Variants in GPC6 observed in about 807,000 individuals in gnomAD.
GPC6 encodes glypican 6.
Under a neutral mutation model 55.2 loss-of-function variants are expected in GPC6, and 14 were observed. The ratio of observed to expected loss-of-function variants is 0.25; its 90% CI spans 0.17 to 0.40. GPC6 has a LOEUF of 0.40. GPC6 is among the 10% of genes least tolerant of loss of function. The pLI is 1.00. For synonymous variants in GPC6, 278 were observed against 259.6 expected, an observed-to-expected ratio of 1.07 and a Z score of -0.68; for missense variants, 641 against 708.5, an observed-to-expected ratio of 0.90 and a Z score of 1.08.
At chr13:93,388,805 C>T (rs983445413) in intron 1 of GPC6, among the ~76,000 whole-genome samples, 1 of 152,110 alleles carries the variant, frequency 6.6e-6, no homozygotes, top group Non-Finnish European at 1.5e-5. Context: ...TGTAAGCTCC[C>T]TCAGGCCAAT....
chr13:94,344,293 A>G (rs1000359757), intron 6 of GPC6, among the ~76,000 whole-genome samples: 1 of 152,220 alleles, frequency 6.6e-6, no homozygotes, highest in African/African-American at 2.4e-5. Flanking sequence ...AGAAATGTAA[A>G]GAATGTTTTG....
intron 3 of GPC6, among the ~76,000 whole-genome samples, chr13:93,919,053 C>T (rs573547790): frequency 7.2e-5 from 11 of 152,210 alleles, no homozygotes; most frequent in Middle Eastern, 3.4e-3. Flanking sequence ...CCCTTGGTGA[C>T]GAGTGAGTTC....
chr13:93,685,286 G>C (rs1306490080), intron 2 of GPC6, among the ~76,000 whole-genome samples: 2 of 152,136 alleles, frequency 1.3e-5, no homozygotes, highest in East Asian at 3.9e-4. Context: ...GATGCCAAGA[G>C]CACCTGAAAG....
intron 4 of GPC6, among the ~76,000 whole-genome samples, chr13:94,285,227 G>A (rs1025117529): frequency 6.6e-6 from 1 of 152,166 alleles, no homozygotes; most frequent in Non-Finnish European, 1.5e-5. Context: ...AAATGGAGCC[G>A]TTTAGTTTTA....
intron 1 of GPC6, among the ~76,000 whole-genome samples, chr13:93,481,054 A>G (rs1453442967): frequency 6.6e-6 from 1 of 152,176 alleles, no homozygotes; most frequent in African/African-American, 2.4e-5. Flanking sequence ...TTTCAGTGCT[A>G]CTAGCAATGC....
chr13:94,159,432 A>G (rs1888077747), intron 4 of GPC6, among the ~76,000 whole-genome samples: 1 of 152,206 alleles, frequency 6.6e-6, no homozygotes, highest in Admixed American at 6.5e-5. Flanking sequence ...CAAATCTTAC[A>G]CAGCAGCAGG....
At chr13:94,241,463 T>C (rs994344963) in intron 4 of GPC6, among the ~76,000 whole-genome samples, 2 of 152,170 alleles carry the variant, frequency 1.3e-5, no homozygotes, top group Non-Finnish European at 2.9e-5. Context: ...TCATTATACA[T>C]ATTTTCACAT....
At chr13:94,363,593 C>T (rs899076441) in intron 6 of GPC6, among the ~76,000 whole-genome samples, 9 of 152,144 alleles carry the variant, frequency 5.9e-5, no homozygotes, top group Admixed American at 3.3e-4. Flanking sequence ...GACAACAACC[C>T]CTAGCCTAGG....
chr13:93,360,830 C>T (rs1287171394), intron 1 of GPC6, among the ~76,000 whole-genome samples: 2 of 151,928 alleles, frequency 1.3e-5, no homozygotes, highest in Non-Finnish European at 2.9e-5. Context: ...TATCCTTCTT[C>T]CCTTCTGAAA....
intron 2 of GPC6, among the ~76,000 whole-genome samples, chr13:93,703,997 C>G (rs762168474): frequency 2.0e-5 from 3 of 151,910 alleles, no homozygotes; most frequent in Non-Finnish European, 2.9e-5. Context: ...AATTGTCAAC[C>G]AAACCAAATG....
intron 1 of GPC6, among the ~76,000 whole-genome samples, chr13:93,443,259 TG>T (rs1242102851): frequency 6.6e-6 from 1 of 152,244 alleles, no homozygotes; most frequent in Non-Finnish European, 1.5e-5. Flanking sequence ...AAGTCATATT[TG>T]ATGTATGGAG....
intron 3 of GPC6, among the ~76,000 whole-genome samples, chr13:93,951,927 G>A (rs982734123): frequency 2.0e-5 from 3 of 152,060 alleles, no homozygotes; most frequent in Non-Finnish European, 4.4e-5. Context: ...GTGTTTTAAA[G>A]GTTTGTTTCT....
chr13:93,541,787 G>C (rs937308900), intron 1 of GPC6, among the ~76,000 whole-genome samples: 5 of 150,406 alleles, frequency 3.3e-5, no homozygotes, highest in African/African-American at 1.2e-4. Flanking sequence ...GTGATGGTGA[G>C]CATTTTTTCA....
At chr13:93,373,798 A>T (rs1454908557) in intron 1 of GPC6, among the ~76,000 whole-genome samples, 1 of 152,238 alleles carries the variant, frequency 6.6e-6, no homozygotes, top group Non-Finnish European at 1.5e-5. Flanking sequence ...TTATGTGTTG[A>T]TAATTACATG....
intron 2 of GPC6, among the ~76,000 whole-genome samples, chr13:93,696,641 T>C (rs1166837477): frequency 7.0e-6 from 1 of 142,592 alleles, no homozygotes; most frequent in Admixed American, 7.3e-5. Context: ...TTAGGCAGAG[T>C]CTCCCTCTTT....
intron 1 of GPC6, among the ~76,000 whole-genome samples, chr13:93,261,810 A>G (rs16948547): frequency 0.29 from 43,796 of 151,794 alleles, 7,207 homozygotes; most frequent in African/African-American, 0.46. Flanking sequence ...TCAACCTGGT[A>G]TATAGTGAAA....
intron 1 of GPC6, among the ~76,000 whole-genome samples, chr13:93,304,674 C>T (rs547980341): frequency 1.3e-5 from 2 of 152,290 alleles, no homozygotes; most frequent in East Asian, 1.9e-4. Flanking sequence ...GGAAGAGGGA[C>T]TACTTCACTA....
chr13:93,939,095 T>A (rs1233294968), intron 3 of GPC6, among the ~76,000 whole-genome samples: 2 of 149,812 alleles, frequency 1.3e-5, no homozygotes, highest in African/African-American at 4.9e-5. Flanking sequence ...AGACGCTGTG[T>A]CAAAAAAAAT....
At chr13:93,708,665 A>G (rs898771516) in intron 2 of GPC6, among the ~76,000 whole-genome samples, 5 of 151,898 alleles carry the variant, frequency 3.3e-5, no homozygotes, top group Admixed American at 1.3e-4. Flanking sequence ...TTTGGCAGAC[A>G]TTCATTGGCA....
Sources: allele counts gnomAD v4.1 joint callset (sites outside exome capture counted in the v4.1 genomes callset), GRCh38; gene constraint gnomAD v4.1.1; transcripts MANE v1.5; gene names NCBI Gene and HGNC (gene_info 2026-07-23, HGNC 2026-07-21).